The following DRG1 variants were observed in gnomAD, a reference collection of about 807,000 sequenced individuals.
DRG1 encodes the protein developmentally regulated GTP binding protein 1, also known as developmentally-regulated GTP-binding protein 1.
In DRG1, 19 loss-of-function variants were observed where a neutral mutation model predicts 38.8. The ratio of observed to expected loss-of-function variants is 0.49; its 90% CI spans 0.34 to 0.72. The LOEUF (loss-of-function observed/expected upper bound fraction) is 0.72, where lower values mean the gene tolerates loss of function less well. DRG1 is among the 30% of genes least tolerant of loss of function. The pLI is 0.01. For synonymous variants in DRG1, 167 were observed against 157.5 expected (o/e 1.06, Z -0.45); for missense variants, 299 against 444.8 (o/e 0.67, Z 2.95).
chr22:31,417,373 A>T (rs2050050902), intron 4 of DRG1, among the ~76,000 whole-genome samples: 1 of 151,414 alleles, frequency 6.6e-6, no homozygotes, highest in African/African-American at 2.4e-5. Flanking sequence ...CTGTGTCAAA[A>T]AATAATAATA....
chr22:31,409,881 G>A (rs1447545715), intron 3 of DRG1, among the ~76,000 whole-genome samples: 1 of 152,084 alleles, frequency 6.6e-6, no homozygotes, highest in Non-Finnish European at 1.5e-5. Context: ...TGTAGTCCCA[G>A]CTACTCTGGA....
At chr22:31,402,024 C>A (rs2049964190) in intron 2 of DRG1, among the ~76,000 whole-genome samples, 1 of 151,850 alleles carries the variant, frequency 6.6e-6, no homozygotes, top group Non-Finnish European at 1.5e-5. Flanking sequence ...GTACCCCAGC[C>A]TGGGTGACAG....
chr22:31,431,292 C>G (rs902089002), intron 8 of DRG1, among the ~76,000 whole-genome samples: 5 of 151,860 alleles, frequency 3.3e-5, no homozygotes, highest in African/African-American at 1.2e-4. Flanking sequence ...CCTCGGCCCC[C>G]CAAAGTGTTG....
chr22:31,409,637 C>T (rs908211813), intron 3 of DRG1, among the ~76,000 whole-genome samples: 1 of 152,066 alleles, frequency 6.6e-6, no homozygotes, highest in Non-Finnish European at 1.5e-5. Flanking sequence ...CAGCTGATAC[C>T]TGCTGTAAGG....
At chr22:31,418,896 TG>T (rs1838946161) in intron 4 of DRG1, among the ~76,000 whole-genome samples, 1 of 152,106 alleles carries the variant, frequency 6.6e-6, no homozygotes, top group South Asian at 2.1e-4. Flanking sequence ...TTGGCCGGGA[TG>T]GTCTCAATCA....
At chr22:31,432,981 C>G (rs894445965) in intron 8 of DRG1, among the ~76,000 whole-genome samples, 2 of 151,760 alleles carry the variant, frequency 1.3e-5, no homozygotes, top group Non-Finnish European at 2.9e-5. Flanking sequence ...GTCTTATTCA[C>G]CAGTTTTCAT....
chr22:31,431,915 A>T (rs747254581), intron 8 of DRG1, among the ~76,000 whole-genome samples: 1 of 152,138 alleles, frequency 6.6e-6, no homozygotes, highest in African/African-American at 2.4e-5. Flanking sequence ...CTTTCCTTCT[A>T]TGGTGGCAAA....
At chr22:31,431,159 C>T (rs951116366) in intron 8 of DRG1, among the ~76,000 whole-genome samples, 3 of 150,988 alleles carry the variant, frequency 2.0e-5, no homozygotes, top group Admixed American at 6.6e-5. Context: ...CTCAGCCTCC[C>T]GAGTAGCTGG....
chr22:31,402,956 G>A, intron 2 of DRG1, 73 bp from the exon 3 acceptor site: 2 of 1,491,164 alleles, frequency 1.3e-6, no homozygotes, highest in South Asian at 2.7e-5. Context: ...CAGTAAAAAT[G>A]TGAAAGAAGT....
chr22:31,405,541 C>T (rs752998703), intron 3 of DRG1, among the ~76,000 whole-genome samples: 32 of 151,946 alleles, frequency 2.1e-4, no homozygotes, highest in African/African-American at 5.8e-4. Flanking sequence ...TCAGTTTATT[C>T]ATTCTCTCTT....
Position 31,427,094 on chromosome 22 carries a change from A to C in DRG1, c.916A>C (p.Thr306Pro). 2 of 1,614,096 alleles carry C rather than the reference A, an allele frequency of 1.2e-6. No individual in the cohort carries two copies. The highest frequency in any genetic ancestry group is 1.7e-6 in the Non-Finnish European group (2 of 1,179,976). The change falls in exon 8 of 9, where the codon ACA becomes CCA. Residue 306 changes from threonine to proline, a missense_variant. Thr to Pro is a conservative substitution (Grantham distance 38). Around this residue, in one of 3 missense-constraint regions of DRG1, gnomAD observed 198 missense variants for 268.1 expected, o/e 0.74. Coordinates refer to ENST00000331457, the MANE Select transcript of DRG1 (RefSeq NM_004147.4). ...ACCCAAAGGCCAGTTACCAGATTAC[A>C]CATCCCCAGTGGTGCTTCCTTACTC... ...TKPKGQLPDY[T>P]SPVVLPYSRT...
chr22:31,407,421 G>A (rs1274388995), intron 3 of DRG1, among the ~76,000 whole-genome samples: 1 of 151,998 alleles, frequency 6.6e-6, no homozygotes, highest in African/African-American at 2.4e-5. Flanking sequence ...CTGCAGCCTC[G>A]ACCTCCTGGG....
chr22:31,434,152 C>A lies in DRG1; in HGVS notation c.*181C>A, dbSNP rs1569053848. 2 of 565,846 alleles carry A rather than the reference C, an allele frequency of 3.5e-6. No individual in the cohort carries two copies. Among genetic ancestry groups the A allele is most frequent in the Non-Finnish European group, 6.4e-6 (2 of 314,606 alleles). 35.1% of individuals were successfully genotyped at this position (565,846 alleles called of 1,614,324 possible). ...TGGTGTCACCTTGTATGTCGAACTG[C>A]ATAAAAGATCTGGTAGGCTGGTCAG... On this transcript the variant is annotated 3_prime_UTR_variant, in exon 9 of 9. Coordinates refer to ENST00000331457, the MANE Select transcript of DRG1 (RefSeq NM_004147.4).
At chr22:31,410,165 A>G (rs573833364) in intron 3 of DRG1, among the ~76,000 whole-genome samples, 1 of 152,186 alleles carries the variant, frequency 6.6e-6, no homozygotes, top group South Asian at 2.1e-4. Context: ...TAAGGTACAT[A>G]AAAAGCCCGG....
intron 6 of DRG1, 137 bp from the exon 7 acceptor site, chr22:31,426,478 C>T (rs1030284743): frequency 3.7e-5 from 26 of 695,218 alleles, no homozygotes; most frequent in African/African-American, 7.2e-5. Context: ...TTTCTTTTTT[C>T]TTTTTCTGGC....
intron 3 of DRG1, among the ~76,000 whole-genome samples, chr22:31,405,545 C>G (rs2049984839): frequency 6.6e-6 from 1 of 152,046 alleles, no homozygotes; most frequent in Non-Finnish European, 1.5e-5. Context: ...TTTATTCATT[C>G]TCTCTTTCAG....
intron 3 of DRG1, among the ~76,000 whole-genome samples, chr22:31,410,594 C>T (rs2050013181): frequency 6.6e-6 from 1 of 151,990 alleles, no homozygotes; most frequent in South Asian, 2.1e-4. Context: ...CCGGTGGATC[C>T]CTGAGGTCAG....
chr22:31,403,523 C>T (rs1003137509), intron 3 of DRG1, among the ~76,000 whole-genome samples: 38 of 152,040 alleles, frequency 2.5e-4, no homozygotes, highest in East Asian at 2.1e-3. Flanking sequence ...CAAAATTAGC[C>T]GGGTGTAGTG....
chr22:31,404,958 G>T (rs1400516527), intron 3 of DRG1, among the ~76,000 whole-genome samples: 2 of 151,852 alleles, frequency 1.3e-5, no homozygotes, highest in Non-Finnish European at 2.9e-5. Flanking sequence ...TTTAGGTTTT[G>T]GTTGGTTGTA....
Sources: allele counts gnomAD v4.1 joint callset (sites outside exome capture counted in the v4.1 genomes callset), GRCh38; gene constraint gnomAD v4.1.1; regional missense constraint gnomAD v4.1.1; transcripts MANE v1.5; gene names NCBI Gene and HGNC (gene_info 2026-07-23, HGNC 2026-07-21).